FAM110B: variants seen among roughly 807,000 people sequenced by gnomAD.
The protein encoded by FAM110B is protein FAM110B.
FAM110B carries 6 observed loss-of-function variants against 20.4 expected under a neutral mutation model. The observed-to-expected ratio is 0.29, with a 90% CI of 0.16 to 0.58. FAM110B has a LOEUF of 0.58. Ranked by LOEUF, FAM110B falls within the 20% of genes least tolerant of loss-of-function variation. The pLI, the probability that FAM110B is intolerant of heterozygous loss-of-function variation, is 0.90. For missense variants in FAM110B, 434 were observed against 498.2 expected (o/e 0.87, Z 1.23); for synonymous variants, 226 against 214.1 (o/e 1.06, Z -0.49).
At chr8:58,017,241 A>C (rs1368141462) in intron 1 of FAM110B, among the ~76,000 whole-genome samples, 3 of 152,168 alleles carry the variant, frequency 2.0e-5, no homozygotes, top group Non-Finnish European at 4.4e-5. Context: ...GCTTCATTGA[A>C]CCCTGAAAGG....
intron 1 of FAM110B, among the ~76,000 whole-genome samples, chr8:58,006,920 T>TATATATATATATATATATAC (rs1804419333): frequency 1.1e-5 from 1 of 88,566 alleles, no homozygotes; most frequent in Non-Finnish European, 2.6e-5. Context: ...TATATATATA[T>TATATATATATATATATATAC]ATATTTTTCC....
intron 3 of FAM110B, among the ~76,000 whole-genome samples, chr8:58,085,382 G>A (rs189442832): frequency 4.6e-5 from 7 of 152,242 alleles, no homozygotes; most frequent in South Asian, 4.2e-4. Flanking sequence ...ATGTGGTGGC[G>A]GGTGCCTGTA....
At chr8:58,082,980 G>C (rs1437562258) in intron 3 of FAM110B, among the ~76,000 whole-genome samples, 3 of 149,382 alleles carry the variant, frequency 2.0e-5, no homozygotes, top group South Asian at 2.1e-4. Context: ...CTGTGCTCCA[G>C]CCTGAGTGAC....
At chr8:58,107,696 G>A (rs1378123060) in intron 3 of FAM110B, among the ~76,000 whole-genome samples, 1 of 152,184 alleles carries the variant, frequency 6.6e-6, no homozygotes, top group Admixed American at 6.5e-5. Flanking sequence ...TAATGCATCA[G>A]ATCCTGTGCT....
intron 1 of FAM110B, among the ~76,000 whole-genome samples, chr8:58,022,524 T>A (rs1376010651): frequency 6.6e-6 from 1 of 152,176 alleles, no homozygotes; most frequent in Non-Finnish European, 1.5e-5. Context: ...ATGGTCAATT[T>A]TACATTATAT....
At chr8:58,007,850 T>C (rs1176494591) in intron 1 of FAM110B, among the ~76,000 whole-genome samples, 1 of 152,066 alleles carries the variant, frequency 6.6e-6, no homozygotes, top group Admixed American at 6.5e-5. Context: ...ACCTAGGCAT[T>C]ATGCTAGGTG....
intron 1 of FAM110B, among the ~76,000 whole-genome samples, chr8:58,020,809 T>C (rs1188102681): frequency 6.6e-6 from 1 of 152,190 alleles, no homozygotes; most frequent in Admixed American, 6.6e-5. Context: ...TAGCATCCAA[T>C]CTGTCCCACC....
chr8:58,128,868 T>C (rs979664627), intron 3 of FAM110B, among the ~76,000 whole-genome samples: 3 of 152,152 alleles, frequency 2.0e-5, no homozygotes, highest in African/African-American at 7.2e-5. Flanking sequence ...ATCATCTCCC[T>C]AGGATAACTT....
chr8:58,020,299 CTG>C (rs1352921686), intron 1 of FAM110B, among the ~76,000 whole-genome samples: 2 of 152,074 alleles, frequency 1.3e-5, no homozygotes, highest in Non-Finnish European at 2.9e-5. Flanking sequence ...TTCTTACTGA[CTG>C]TGTTTATTTT....
At chr8:58,069,397 A>C (rs1805841040) in intron 2 of FAM110B, among the ~76,000 whole-genome samples, 1 of 152,222 alleles carries the variant, frequency 6.6e-6, no homozygotes, top group African/African-American at 2.4e-5. Context: ...TTACTTGCCC[A>C]GGGTCACAGC....
At chr8:58,010,210 C>T (rs1458088812) in intron 1 of FAM110B, among the ~76,000 whole-genome samples, 1 of 148,412 alleles carries the variant, frequency 6.7e-6, no homozygotes, top group Non-Finnish European at 1.5e-5. Context: ...TAAGTATAGA[C>T]AGGGTTTCAC....
At position 58,054,793 on chromosome 8, in the gene FAM110B, C is replaced by T. The variant is rs561916831; in HGVS notation, c.-413-20742C>T. On this transcript the variant is annotated intron_variant, in intron 2 of 3. Transcript: ENST00000519262. ...AAGCAAAAGACCTCTACCTGTAGAT[C>T]TTTTTTTAATGTAAGTAATCCCTGT... 3.4e-3 allele frequency among the ~76,000 whole-genome samples: 515 copies of T among 152,140 alleles called. 9 individuals carry two copies. Among genetic ancestry groups the T allele is most frequent in the African/African-American group, 0.012 (497 of 41,488 alleles).
chr8:58,121,029 G>T lies in FAM110B; in HGVS notation c.-324-24878G>T, dbSNP rs574063081. On this transcript the variant is annotated intron_variant, in intron 3 of 3. Coordinates refer to ENST00000519262, the MANE Select transcript of FAM110B (RefSeq NM_001377989.1). ...AGGGATGTAACGGTGAATAATGGAT[G>T]CAGTGATGTCCTCTGGAGCTTGCTC... Among the ~76,000 whole-genome samples the T allele has an allele frequency of 1.2e-3, 188 of 152,238 alleles. 1 individual carries two copies. Among genetic ancestry groups the T allele is most frequent in the Non-Finnish European group, 2.2e-3 (148 of 68,042 alleles).
intron 3 of FAM110B, among the ~76,000 whole-genome samples, chr8:58,127,698 C>T (rs1312909045): frequency 6.6e-6 from 1 of 152,018 alleles, no homozygotes; most frequent in Admixed American, 6.6e-5. Flanking sequence ...AATACTATAC[C>T]ATTTACATTG....
chr8:58,052,289 T>C (rs1805461721), intron 2 of FAM110B, among the ~76,000 whole-genome samples: 1 of 152,184 alleles, frequency 6.6e-6, no homozygotes, highest in Non-Finnish European at 1.5e-5. Flanking sequence ...TAACATTTAA[T>C]TTCATCCTTT....
At chr8:58,058,343 A>AG (rs1805588926) in intron 2 of FAM110B, among the ~76,000 whole-genome samples, 1 of 152,212 alleles carries the variant, frequency 6.6e-6, no homozygotes, top group South Asian at 2.1e-4. Flanking sequence ...AGGAAAAAAA[A>AG]AAAGACAATT....
chr8:58,071,854 G>T (rs192909710), intron 2 of FAM110B, among the ~76,000 whole-genome samples: 1 of 152,324 alleles, frequency 6.6e-6, no homozygotes. Context: ...GTGGTGAAAT[G>T]AACCTGGGAA....
At chr8:58,119,863 A>G (rs1378806389) in intron 3 of FAM110B, among the ~76,000 whole-genome samples, 3 of 152,098 alleles carry the variant, frequency 2.0e-5, no homozygotes, top group South Asian at 2.1e-4. Flanking sequence ...ATCCTCAACA[A>G]TCTGGTAAGG....
At chr8:58,068,264 A>T (rs933827069) in intron 2 of FAM110B, among the ~76,000 whole-genome samples, 2 of 152,224 alleles carry the variant, frequency 1.3e-5, no homozygotes, top group Non-Finnish European at 2.9e-5. Context: ...CACTAGGATG[A>T]TGCTTCAAGG....
Sources: allele counts gnomAD v4.1 joint callset (sites outside exome capture counted in the v4.1 genomes callset), GRCh38; gene constraint gnomAD v4.1.1; transcripts MANE v1.5; gene names NCBI Gene and HGNC (gene_info 2026-07-23, HGNC 2026-07-21).